KIF13A: variants seen among roughly 807,000 people sequenced by gnomAD.
The protein encoded by KIF13A is kinesin family member 13A, also known as kinesin-like protein KIF13A.
KIF13A carries 79 observed loss-of-function variants against 212.2 expected under a neutral mutation model. The ratio of observed to expected loss-of-function variants is 0.37; its 90% CI spans 0.31 to 0.45. The LOEUF (loss-of-function observed/expected upper bound fraction) is 0.45. KIF13A is among the 20% of genes least tolerant of loss of function. The pLI, the probability that KIF13A is intolerant of heterozygous loss-of-function variation, is 1.00. For synonymous variants in KIF13A, 789 were observed against 808.6 expected (o/e 0.98, Z 0.41); for missense variants, 1,901 against 2,209.0 (o/e 0.86, Z 2.79).
In KIF13A at chr6:17,776,757, A is replaced by ACTAAT. The variant is rs1760018936; in HGVS notation, c.4170+519_4170+520insATTAG. Among the ~76,000 whole-genome samples, 1 of 152,214 alleles carries ACTAAT rather than the reference A, an allele frequency of 6.6e-6. No individual in the cohort carries two copies. The highest frequency in any genetic ancestry group is 6.5e-5 in the Admixed American group (1 of 15,288). ...CTAATCTGTCCTATCCCTCTGTGAC[A>ACTAAT]GTGTCCCCCCTGCTAGGATCAGTTT... On this transcript the variant is annotated intron_variant, in intron 34 of 38. Coordinates refer to ENST00000259711, the MANE Select transcript of KIF13A (RefSeq NM_022113.6). The surrounding 1 kb of genome is among the most constrained non-coding windows in gnomAD (Gnocchi z 4.6).
rs564083968 is a variant in KIF13A, at chr6:17,820,359, G to A, written c.1787-3126C>T. On this transcript the variant is annotated intron_variant, in intron 16 of 38. Transcript: ENST00000259711. ...ACACAGCTACGGTGGAGGTCTAGGG[G>A]CTGGGGTTTTGTTTCGCCTCTGATC... Among the ~76,000 whole-genome samples, 4 of 152,268 alleles carry A rather than the reference G, an allele frequency of 2.6e-5. No homozygotes were observed. In the South Asian group the frequency reaches 8.3e-4, roughly 32 times the overall value.
Position 17,794,796 on chromosome 6 carries a change from T to C in KIF13A, c.2943-92A>G. ...GCCACCATTCACTGAGCACTTACTA[T>C]GTGCTAGGCACTGTGCCATTTATCT... On this transcript the variant is annotated intron_variant, in intron 23 of 38. Coordinates refer to ENST00000259711, the MANE Select transcript of KIF13A (RefSeq NM_022113.6). The surrounding 1 kb of genome is among the most constrained non-coding windows in gnomAD (Gnocchi z 4.1). 7.7e-6 allele frequency: 10 copies of C among 1,301,736 alleles called. No homozygotes were observed. The highest frequency in any genetic ancestry group is 1.1e-5 in the Non-Finnish European group (10 of 945,356). 80.6% of individuals were successfully genotyped at this position (1,301,736 alleles called of 1,614,324 possible).
In KIF13A at chr6:17,914,786, C is replaced by T. The variant is rs980392736; in HGVS notation, c.147-16606G>A. Among the ~76,000 whole-genome samples, 11 of 152,248 alleles carry T rather than the reference C, an allele frequency of 7.2e-5. No homozygotes were observed. Among genetic ancestry groups the T allele is most frequent in the Non-Finnish European group, 7.4e-5 (5 of 68,026 alleles). ...CGAGCCTAGTAAGAAACTCACCCTG[C>T]GTTAACCAAAACAAAATTAAGCAGA... On this transcript the variant is annotated intron_variant, in intron 2 of 38. Transcript: ENST00000259711. This position sits in a 1 kb window ranked among gnomAD's most constrained non-coding sequence, Gnocchi z 5.9.
At chr6:17,859,427 ACT>A (rs1280552138) in intron 4 of KIF13A, among the ~76,000 whole-genome samples, 3 of 150,924 alleles carry the variant, frequency 2.0e-5, no homozygotes, top group Non-Finnish European at 3.0e-5. Context: ...ACAAAGTGAG[ACT>A]CTGTTTCTAC....
Position 17,794,322 on chromosome 6 carries a change from G to C in KIF13A, c.3149C>G (p.Ala1050Gly). ...HSGTLPLMVE[A>G]ILSVSIGCVT... ...ACAGCCGATGGATACTGACAGGATGGCTTCAACCATAAGTGGCAGTGTCCC... is the reference window on the plus strand; with the variant it reads ...ACAGCCGATGGATACTGACAGGATGCCTTCAACCATAAGTGGCAGTGTCCC... The change falls in exon 25 of 39, where the codon GCC becomes GGC. Residue 1050 changes from alanine to glycine, a missense_variant. By Grantham distance (60) the Ala-to-Gly change is moderately conservative (BLOSUM62 0). This residue lies in a region of KIF13A where 168 missense variants were observed against 250.9 expected (regional missense o/e 0.67). Coordinates refer to ENST00000259711, the MANE Select transcript of KIF13A (RefSeq NM_022113.6). This position sits in a 1 kb window ranked among gnomAD's most constrained non-coding sequence, Gnocchi z 4.1. The C allele has an allele frequency of 1.2e-6, 2 of 1,613,172 alleles. No homozygotes were observed. The highest frequency in any genetic ancestry group is 1.7e-6 in the Non-Finnish European group (2 of 1,179,176).
At chr6:17,958,876 CTTTTTTTTTTTTTTTT>C (rs398000716) in intron 2 of KIF13A, among the ~76,000 whole-genome samples, 4 of 83,086 alleles carry the variant, frequency 4.8e-5, no homozygotes, top group Non-Finnish European at 9.0e-5. Context: ...TTTTCTTTTT[CTTTTTTTTTTTTTTTT>C]TTTTTTTGAG....
At chr6:17,973,890 C>G (rs1219031240) in intron 2 of KIF13A, among the ~76,000 whole-genome samples, 1 of 152,208 alleles carries the variant, frequency 6.6e-6, no homozygotes, top group African/African-American at 2.4e-5. Context: ...CCACAACTCT[C>G]AAACCAGAAA....
At chr6:17,890,590 G>A (rs891671101) in intron 3 of KIF13A, among the ~76,000 whole-genome samples, 2 of 151,496 alleles carry the variant, frequency 1.3e-5, no homozygotes, top group South Asian at 2.1e-4. Context: ...TTAATCAGAA[G>A]GTGGCTAAAC....
chr6:17,822,382 A>G (rs1272265596), intron 16 of KIF13A, among the ~76,000 whole-genome samples: 1 of 152,166 alleles, frequency 6.6e-6, no homozygotes, highest in Non-Finnish European at 1.5e-5. Flanking sequence ...AACACTGGAG[A>G]GCAAGGCCTG....
At chr6:17,881,353 A>G (rs1771040120) in intron 3 of KIF13A, 3 of 348,078 alleles carry the variant, frequency 8.6e-6, no homozygotes, top group Non-Finnish European at 1.1e-5. Context: ...ATGAAGTTCC[A>G]TGACTTACGA....
intron 3 of KIF13A, among the ~76,000 whole-genome samples, chr6:17,873,789 C>T (rs916257478): frequency 1.3e-5 from 2 of 152,052 alleles, no homozygotes; most frequent in African/African-American, 4.8e-5. Flanking sequence ...GAGGTCTTGC[C>T]CTATTGCTCA....
At chr6:17,920,371 T>C (rs977173096) in intron 2 of KIF13A, among the ~76,000 whole-genome samples, 2 of 152,206 alleles carry the variant, frequency 1.3e-5, no homozygotes, top group African/African-American at 4.8e-5. Flanking sequence ...TTTACAATCA[T>C]CAAGGAGAAC....
intron 4 of KIF13A, among the ~76,000 whole-genome samples, chr6:17,862,817 G>A (rs373221592): frequency 1.5e-4 from 23 of 152,146 alleles, no homozygotes; most frequent in East Asian, 7.7e-4. Flanking sequence ...GCATGGTGGC[G>A]GGTGCCTGTA....
In KIF13A at chr6:17,909,170, C is replaced by A. The variant is rs544858386; in HGVS notation, c.147-10990G>T. On this transcript the variant is annotated intron_variant, in intron 2 of 38. Coordinates refer to ENST00000259711, the MANE Select transcript of KIF13A (RefSeq NM_022113.6). ...TGTCAACATTGCTGAAACTAAATTT[C>A]ATCTGGGAAAAGGGTACTGGGGAGC... is the stretch of plus-strand genomic sequence containing the variant. 1.9e-4 allele frequency among the ~76,000 whole-genome samples: 29 copies of A among 152,318 alleles called. No homozygotes were observed. The South Asian group carries it at 6.0e-3, about 32-fold the overall frequency.
chr6:17,884,077 C>T (rs755355089), intron 3 of KIF13A, among the ~76,000 whole-genome samples: 1 of 152,182 alleles, frequency 6.6e-6, no homozygotes, highest in African/African-American at 2.4e-5. Flanking sequence ...TGAAGTACAA[C>T]TCACACTACT....
intron 3 of KIF13A, among the ~76,000 whole-genome samples, chr6:17,889,331 T>G (rs897434217): frequency 1.3e-5 from 2 of 152,194 alleles, no homozygotes; most frequent in African/African-American, 2.4e-5. Context: ...CAAAAACTTA[T>G]AAACATAGAA....
rs184686655 is a variant in KIF13A, at chr6:17,764,765, C to T, written c.4763G>A (p.Arg1588His). The change falls in exon 39 of 39, where the codon CGT (arginine) becomes CAT (histidine). Residue 1588 changes from arginine (R) to histidine (H), a missense_variant. Arg to His is a conservative substitution (Grantham distance 29, BLOSUM62 0). This residue lies in a region of KIF13A where 687 missense variants were observed against 759.1 expected (regional missense o/e 0.90). Coordinates refer to ENST00000259711, the MANE Select transcript of KIF13A (RefSeq NM_022113.6). The surrounding 1 kb of genome is among the most constrained non-coding windows in gnomAD (Gnocchi z 5.1). ...GGTAATACTGCTGGTGGTAGGGCTA[C>T]GGGACACTTCTTTCTCCAAGACCCG... ...NSRVLEKEVS[R>H]SPTTSSITSG... 7.4e-5 allele frequency: 120 copies of T among 1,612,958 alleles called. No homozygotes were observed. Among genetic ancestry groups the T allele is most frequent in the Middle Eastern group, 1.7e-4 (1 of 6,060 alleles).
rs111506762 is a variant in KIF13A, at chr6:17,793,230, A to G, written c.3222+1019T>C. 2.4e-3 allele frequency among the ~76,000 whole-genome samples: 367 copies of G among 152,122 alleles called. 9 individuals are homozygous for G. The highest frequency in any genetic ancestry group is 4.2e-3 in the Non-Finnish European group (284 of 67,990). On this transcript the variant is annotated intron_variant, in intron 25 of 38. Transcript: ENST00000259711. ...TGAATAGCTGAGATGACAGTCATGCACCACGACACCTGGCTAATTTTCTGT... is the reference window on the plus strand; with the variant it reads ...TGAATAGCTGAGATGACAGTCATGCGCCACGACACCTGGCTAATTTTCTGT...
At chr6:17,867,971 T>C (rs1424602568) in intron 4 of KIF13A, among the ~76,000 whole-genome samples, 4 of 152,200 alleles carry the variant, frequency 2.6e-5, no homozygotes, top group Admixed American at 2.0e-4. Flanking sequence ...AGTCCACAGA[T>C]TGGAGGTGCT....
Sources: gnomAD v4.1 joint callset for allele counts (sites outside exome capture counted in the v4.1 genomes callset) on GRCh38, gnomAD v4.1.1 for gene constraint, gnomAD v4.1.1 regional missense constraint, Gnocchi (gnomAD v3.1) non-coding constraint, MANE v1.5 for transcripts, NCBI Gene and HGNC (gene_info 2026-07-23, HGNC 2026-07-21) for gene names.